The following KATNIP variants were observed in gnomAD, a reference collection of about 807,000 sequenced individuals.
KATNIP encodes katanin interacting protein.
Under a neutral mutation model 174.0 loss-of-function variants are expected in KATNIP, and 126 were observed. The observed-to-expected ratio is 0.72, with a 90% CI of 0.63 to 0.84. KATNIP has a LOEUF of 0.84. Ranked by LOEUF, KATNIP falls within the 40% of genes least tolerant of loss-of-function variation. The probability of loss-of-function intolerance (pLI) is 0.00; values close to 1 mark genes in which losing one functional copy is unlikely to be tolerated. For synonymous variants in KATNIP, 810 were observed against 835.7 expected (o/e 0.97, Z 0.53); for missense variants, 1,958 against 2,109.7 (o/e 0.93, Z 1.41).
chr16:27,553,723 C>T (rs1388031281), intron 1 of KATNIP, among the ~76,000 whole-genome samples: 6 of 152,080 alleles, frequency 3.9e-5, no homozygotes, highest in Non-Finnish European at 8.8e-5. Context: ...GTGGTTCTAG[C>T]TGCTAAGGAG....
chr16:27,778,488 C>T (rs111740133), intron 27 of KATNIP, 86 bp from the exon 28 acceptor site: 7 of 1,382,350 alleles, frequency 5.1e-6, no homozygotes, highest in African/African-American at 4.4e-5. Context: ...GCAACCCAGG[C>T]TGCTGGATTT....
intron 19 of KATNIP, among the ~76,000 whole-genome samples, chr16:27,763,533 T>G (rs1174243453): frequency 6.8e-6 from 1 of 147,760 alleles, no homozygotes; most frequent in Non-Finnish European, 1.5e-5. Flanking sequence ...GAGGATCACT[T>G]GAGCCCAGGA....
At position 27,710,044 on chromosome 16, in the gene KATNIP, C is replaced by T. The variant is rs1317142788; in HGVS notation, c.1605+1124C>T. On this transcript the variant is annotated intron_variant, in intron 13 of 27. Transcript: ENST00000261588. ...GGTCGTGAGGTGCACACTCCACAAA[C>T]GTTGAATGTTTCTTTCCTTTAAATA... Among the ~76,000 whole-genome samples the T allele has an allele frequency of 3.3e-5, 5 of 152,112 alleles. 1 individual carries two copies. The highest frequency in any genetic ancestry group is 7.3e-5 in the Non-Finnish European group (5 of 68,032).
intron 1 of KATNIP, among the ~76,000 whole-genome samples, chr16:27,553,369 T>G (rs1181630806): frequency 6.6e-6 from 1 of 152,244 alleles, no homozygotes; most frequent in Non-Finnish European, 1.5e-5. Context: ...GCAAATATTG[T>G]CAGCTGTTTC....
At chr16:27,552,709 T>TC (rs1186835113) in intron 1 of KATNIP, among the ~76,000 whole-genome samples, 5 of 147,676 alleles carry the variant, frequency 3.4e-5, no homozygotes, top group African/African-American at 1.3e-4. Context: ...TTTTTTTTTT[T>TC]TGAGACGGGA....
chr16:27,713,818 A>ATGTGTGTG lies in KATNIP; in HGVS notation c.1605+4899_1605+4900insGTGTGTGT, dbSNP rs1567336904. On this transcript the variant is annotated intron_variant, in intron 13 of 27. Coordinates refer to ENST00000261588, the MANE Select transcript of KATNIP (RefSeq NM_015202.5). Reference sequence around the variant, plus strand: ...TGTGTGTGTGTATATACATATATATATATATATATATATATATATATATAT... The same window carrying ATGTGTGTG: ...TGTGTGTGTGTATATACATATATATATGTGTGTGTATATATATATATATATATATATAT... Among the ~76,000 whole-genome samples the ATGTGTGTG allele has an allele frequency of 9.0e-4, 31 of 34,576 alleles. 1 individual carries two copies. The highest frequency in any genetic ancestry group is 4.5e-3 in the African/African-American group (26 of 5,826). 22.7% of individuals were successfully genotyped at this position (34,576 alleles called of 152,430 possible).
At chr16:27,671,034 A>C (rs1452771164) in intron 6 of KATNIP, among the ~76,000 whole-genome samples, 1 of 152,060 alleles carries the variant, frequency 6.6e-6, no homozygotes, top group Non-Finnish European at 1.5e-5. Flanking sequence ...TCTACTAAAA[A>C]TACAAAAAAT....
chr16:27,702,337 T>G (rs1183882541), intron 11 of KATNIP, among the ~76,000 whole-genome samples: 1 of 152,184 alleles, frequency 6.6e-6, no homozygotes, highest in Non-Finnish European at 1.5e-5. Flanking sequence ...TTTTCTCTAT[T>G]AAAAGTTTGT....
intron 13 of KATNIP, among the ~76,000 whole-genome samples, chr16:27,720,464 A>AGTCATTTATTT (rs1257372981): frequency 6.8e-6 from 1 of 148,006 alleles, no homozygotes; most frequent in Non-Finnish European, 1.5e-5. Context: ...GCATTCATGT[A>AGTCATTTATTT]GTCATTTATT....
chr16:27,649,089 C>G (rs1490681044), intron 6 of KATNIP, among the ~76,000 whole-genome samples: 1 of 152,196 alleles, frequency 6.6e-6, no homozygotes, highest in African/African-American at 2.4e-5. Flanking sequence ...GACTTTTGTC[C>G]TGGGTCCTAA....
At chr16:27,560,629 G>A (rs942700330) in intron 1 of KATNIP, among the ~76,000 whole-genome samples, 2 of 152,180 alleles carry the variant, frequency 1.3e-5, no homozygotes, top group African/African-American at 4.8e-5. Flanking sequence ...TTCCCTGCCA[G>A]CTGTGCCCTT....
intron 7 of KATNIP, 111 bp from the exon 8 acceptor site, chr16:27,681,288 C>G: frequency 1.5e-6 from 2 of 1,376,602 alleles, no homozygotes; most frequent in Middle Eastern, 1.8e-4. Flanking sequence ...CAAAGTAGTT[C>G]CGTAGACATT....
In KATNIP at chr16:27,750,043, C is replaced by T. The variant is rs1567395261; in HGVS notation, c.3083C>T (p.Pro1028Leu). ...INILPAYGKDPRVVTNLIDGV... is the reference protein window; with the variant it reads ...INILPAYGKDLRVVTNLIDGV... ...ATTTTACCAGCCTATGGGAAAGACCCCCGCGTGGTCACCAACCTCATCGAC... is the reference window on the plus strand; with the variant it reads ...ATTTTACCAGCCTATGGGAAAGACCTCCGCGTGGTCACCAACCTCATCGAC... Residue 1028 changes from proline to leucine, a missense_variant, in exon 16 of 28, where the codon CCC becomes CTC. Pro to Leu is a moderately conservative substitution (Grantham distance 98). Coordinates refer to ENST00000261588, the MANE Select transcript of KATNIP (RefSeq NM_015202.5). 6.2e-7 allele frequency: 1 copy of T among 1,614,044 alleles called. No homozygotes were observed. Among genetic ancestry groups the T allele is most frequent in the African/African-American group, 1.3e-5 (1 of 74,916 alleles).
chr16:27,601,968 G>A (rs916696592), intron 2 of KATNIP, among the ~76,000 whole-genome samples: 6 of 152,188 alleles, frequency 3.9e-5, no homozygotes, highest in African/African-American at 4.8e-5. Context: ...AAAGATTGGC[G>A]GAGGGTGGCT....
At chr16:27,645,592 G>C (rs1304600022) in intron 5 of KATNIP, among the ~76,000 whole-genome samples, 1 of 152,178 alleles carries the variant, frequency 6.6e-6, no homozygotes, top group Non-Finnish European at 1.5e-5. Flanking sequence ...TTTGTGAACA[G>C]TGCATTTGGA....
chr16:27,706,370 A>G (rs1163829407), intron 12 of KATNIP, among the ~76,000 whole-genome samples: 1 of 152,200 alleles, frequency 6.6e-6, no homozygotes, highest in Non-Finnish European at 1.5e-5. Flanking sequence ...AGGGGACAGG[A>G]CACATTGCTT....
intron 21 of KATNIP, among the ~76,000 whole-genome samples, chr16:27,771,029 T>TC: frequency 6.6e-6 from 1 of 152,256 alleles, no homozygotes; most frequent in South Asian, 2.1e-4. Context: ...CTCTGGCACT[T>TC]CCCAAGGCTG....
chr16:27,734,944 CT>C (rs1328105424), intron 14 of KATNIP, among the ~76,000 whole-genome samples: 51 of 152,318 alleles, frequency 3.3e-4, no homozygotes, highest in Admixed American at 1.2e-3. Flanking sequence ...TAATGCTTCC[CT>C]TGCAGGATTG....
intron 6 of KATNIP, chr16:27,669,278 A>ATCAGC (rs1483944393): frequency 2.0e-6 from 2 of 985,208 alleles, no homozygotes; most frequent in Non-Finnish European, 2.4e-6. Context: ...ACTACCTTTA[A>ATCAGC]GTCTTTGTAT....
Sources: allele counts gnomAD v4.1 joint callset (sites outside exome capture counted in the v4.1 genomes callset), GRCh38; gene constraint gnomAD v4.1.1; transcripts MANE v1.5; gene names NCBI Gene and HGNC (gene_info 2026-07-23, HGNC 2026-07-21).